Variants in PAIP2 observed in about 807,000 individuals in gnomAD.
PAIP2 encodes the protein poly(A) binding protein interacting protein 2, also known as polyadenylate-binding protein-interacting protein 2.
Under a neutral mutation model 14.8 loss-of-function variants are expected in PAIP2, and 7 were observed. The observed-to-expected ratio is 0.47, with a 90% CI of 0.27 to 0.89. The LOEUF (loss-of-function observed/expected upper bound fraction) is 0.89, where lower values mean the gene tolerates loss of function less well. Ranked by LOEUF, PAIP2 falls within the 40% of genes least tolerant of loss-of-function variation. PAIP2 has a pLI of 0.13. For synonymous variants in PAIP2, 47 were observed against 45.3 expected, an observed-to-expected ratio of 1.04 and a Z score of -0.15; for missense variants, 122 against 154.7, an observed-to-expected ratio of 0.79 and a Z score of 1.12.
intron 1 of PAIP2, among the ~76,000 whole-genome samples, chr5:139,354,922 C>T (rs982577071): frequency 1.3e-5 from 2 of 149,902 alleles, no homozygotes; most frequent in African/African-American, 2.5e-5. Flanking sequence ...CAGGTTCAAG[C>T]GATACTCCTG....
intron 1 of PAIP2, among the ~76,000 whole-genome samples, chr5:139,352,488 G>GTTTTTTT (rs1185620394): frequency 1.1e-4 from 10 of 94,834 alleles, no homozygotes; most frequent in South Asian, 3.8e-4. Flanking sequence ...ATTCCTGCCA[G>GTTTTTTT]TTTTTTTTTT....
chr5:139,350,285 C>T (rs1756687820), intron 1 of PAIP2, among the ~76,000 whole-genome samples: 1 of 151,892 alleles, frequency 6.6e-6, no homozygotes, highest in South Asian at 2.1e-4. Context: ...CAGAATTGAC[C>T]AGATTAAGTA....
intron 3 of PAIP2, among the ~76,000 whole-genome samples, chr5:139,366,479 A>G (rs73255262): frequency 0.012 from 1,871 of 152,192 alleles, 41 homozygotes; most frequent in African/African-American, 0.043. Flanking sequence ...TGTAGAGAGC[A>G]CTGAAGTTTA....
rs1561957741 is a variant in PAIP2 at position 139,349,339 on chromosome 5, C to A, written c.-27+7359C>A. Among the ~76,000 whole-genome samples, 5 of 152,282 alleles carry A rather than the reference C, an allele frequency of 3.3e-5. No homozygotes were observed. The South Asian group carries it at 1.0e-3, about 32-fold the overall frequency. ...TCTTAGCTCACTGCAACCTCCGCCT[C>A]CTGAGTTCAAGCAATTCTCCTGCCT... On this transcript the variant is annotated intron_variant, in intron 1 of 3. Transcript: ENST00000265192.
In PAIP2 at chr5:139,356,650, A is replaced by C. The variant is rs189362324; in HGVS notation, c.-26-7109A>C. ...ATCCCAACACTTTGAGAGAGAGTCC[A>C]AGGCGAGTGGATTATTTGATGTCAG... On this transcript the variant is annotated intron_variant, in intron 1 of 3. Coordinates refer to ENST00000265192, the MANE Select transcript of PAIP2 (RefSeq NM_016480.5). Among the ~76,000 whole-genome samples the C allele has an allele frequency of 4.5e-4, 69 of 152,058 alleles. No individual in the cohort carries two copies. The East Asian group carries it at 0.013, about 30-fold the overall frequency.
At chr5:139,347,062 G>A (rs928993627) in intron 1 of PAIP2, among the ~76,000 whole-genome samples, 4 of 152,114 alleles carry the variant, frequency 2.6e-5, no homozygotes, top group African/African-American at 9.7e-5. Flanking sequence ...ACCTCCCTTG[G>A]CCTCCTAAAG....
intron 1 of PAIP2, among the ~76,000 whole-genome samples, chr5:139,348,202 T>A (rs1185051411): frequency 6.6e-6 from 1 of 151,652 alleles, no homozygotes; most frequent in Non-Finnish European, 1.5e-5. Context: ...TTATTTATAT[T>A]TTTTGAGACA....
intron 2 of PAIP2, 56 bp from the exon 3 acceptor site, chr5:139,364,508 C>T (rs1745644705): frequency 9.7e-7 from 1 of 1,027,218 alleles, no homozygotes; most frequent in Non-Finnish European, 1.5e-6. Context: ...TATTTTAAGC[C>T]ATTCCTAGTG....
chr5:139,363,262 G>A (rs577294104), intron 1 of PAIP2, among the ~76,000 whole-genome samples: 166 of 151,776 alleles, frequency 1.1e-3, no homozygotes, highest in African/African-American at 3.9e-3. Flanking sequence ...GAAAACATTA[G>A]ATGTTTTAGG....
chr5:139,355,165 TC>T (rs1209188683), intron 1 of PAIP2, among the ~76,000 whole-genome samples: 1 of 92,946 alleles, frequency 1.1e-5, no homozygotes, highest in Non-Finnish European at 2.4e-5. Context: ...TTTGTCTCTC[TC>T]TTTTTTTTTT....
intron 3 of PAIP2, 48 bp downstream of exon 3, chr5:139,364,791 T>A: frequency 1.6e-6 from 2 of 1,269,616 alleles, no homozygotes; most frequent in Non-Finnish European, 2.3e-6. Context: ...ATCTTTTGCA[T>A]AAGTGGAAAA....
chr5:139,368,302 T>C (rs1193915086), intron 3 of PAIP2, among the ~76,000 whole-genome samples: 2 of 151,760 alleles, frequency 1.3e-5, no homozygotes. Context: ...ATCGCGCCAC[T>C]GCACTGCAGC....
Position 139,368,807 on chromosome 5 carries a change from G to T in PAIP2, c.*9G>T. Reference sequence around the variant, plus strand: ...AGTACGGAAATATTTGAGTAGACGGGGCCCTCTTTTGGTGGATGTAGCACA... The same window carrying T: ...AGTACGGAAATATTTGAGTAGACGGTGCCCTCTTTTGGTGGATGTAGCACA... On this transcript the variant is annotated 3_prime_UTR_variant, in exon 4 of 4. Transcript: ENST00000265192. The T allele has an allele frequency of 2.6e-5, 42 of 1,602,388 alleles. No individual in the cohort carries two copies. The highest frequency in any genetic ancestry group is 3.5e-5 in the Non-Finnish European group (41 of 1,169,676).
intron 1 of PAIP2, among the ~76,000 whole-genome samples, chr5:139,353,974 G>A (rs1221756059): frequency 4.6e-5 from 7 of 152,004 alleles, no homozygotes; most frequent in Non-Finnish European, 8.8e-5. Context: ...CACCCACTTC[G>A]GCCTCCCAAA....
Position 139,368,952 on chromosome 5 carries a change from G to T in PAIP2, c.*154G>T. 1.8e-6 allele frequency: 1 copy of T among 559,302 alleles called. No individual in the cohort carries two copies. The allele number at this position is 559,302 out of a possible 1,614,324, so 34.6% of individuals were successfully genotyped here. A position where few individuals can be genotyped will look rare whatever the true frequency, so the allele number is the denominator to read the frequency against. ...CTTGCATGCTTAATAAAAGTGCTGA[G>T]ACTGTTACTAAGTAAAAAGCTGTCA... is the stretch of plus-strand genomic sequence containing the variant. On this transcript the variant is annotated 3_prime_UTR_variant, in exon 4 of 4. Transcript: ENST00000265192.
chr5:139,348,145 CAAAAAAA>C (rs56677878), intron 1 of PAIP2, among the ~76,000 whole-genome samples: 2 of 69,670 alleles, frequency 2.9e-5, no homozygotes, highest in East Asian at 5.0e-4. Context: ...GACTCCATGT[CAAAAAAA>C]AAAAAAAAAA....
At chr5:139,343,444 A>G (rs1004107443) in intron 1 of PAIP2, 6 of 152,216 alleles carry the variant, frequency 3.9e-5, no homozygotes, top group African/African-American at 1.4e-4. Context: ...GAATGAGTTT[A>G]TAGCAGGCTT....
intron 3 of PAIP2, among the ~76,000 whole-genome samples, chr5:139,367,829 C>G (rs1757360209): frequency 6.6e-6 from 1 of 152,194 alleles, no homozygotes; most frequent in Non-Finnish European, 1.5e-5. Flanking sequence ...CGTGCTATTC[C>G]TTTAACTTAT....
chr5:139,364,709 T>C lies in PAIP2; in HGVS notation c.284T>C (p.Val95Ala). The change falls in exon 3 of 4, where the codon GTT (valine) becomes GCT (alanine). Residue 95 changes from valine to alanine, a missense_variant. Transcript: ENST00000265192. ...ATCCAAGACCAGTTTAATGACCTTGTTATCAGTGATGGCTCTTCTCTGGAA... is the reference window on the plus strand; with the variant it reads ...ATCCAAGACCAGTTTAATGACCTTGCTATCAGTGATGGCTCTTCTCTGGAA... ...DQIQDQFNDL[V>A]ISDGSSLEDL... 1 of 1,612,084 alleles carries C rather than the reference T, an allele frequency of 6.2e-7. No homozygotes were observed. Among genetic ancestry groups the C allele is most frequent in the Non-Finnish European group, 8.5e-7 (1 of 1,178,770 alleles).
Sources: allele counts gnomAD v4.1 joint callset (sites outside exome capture counted in the v4.1 genomes callset), GRCh38; gene constraint gnomAD v4.1.1; transcripts MANE v1.5; gene names NCBI Gene and HGNC (gene_info 2026-07-23, HGNC 2026-07-21).